PTPRC: variants seen among roughly 807,000 people sequenced by gnomAD.
PTPRC encodes the protein receptor-type tyrosine-protein phosphatase C.
A neutral mutation model predicts 155.9 loss-of-function variants in PTPRC; 44 were observed. That is an observed-to-expected ratio of 0.28 (90% CI 0.22 to 0.36). The LOEUF is 0.36. PTPRC is among the 10% of genes least tolerant of loss of function. PTPRC has a pLI of 1.00. For synonymous variants in PTPRC, 525 were observed against 533.1 expected (o/e 0.98, Z 0.21); for missense variants, 1,401 against 1,564.6 (o/e 0.90, Z 1.76).
chr1:198,647,213 A>G (rs543632435), intron 2 of PTPRC, among the ~76,000 whole-genome samples: 48 of 151,872 alleles, frequency 3.2e-4, no homozygotes, highest in Non-Finnish European at 5.9e-4. Flanking sequence ...TCACACCTGC[A>G]TAGGTATTCT....
At chr1:198,707,960 AG>A (rs1159295777) in intron 9 of PTPRC, among the ~76,000 whole-genome samples, 172 bp from the exon 10 acceptor site, 10 of 152,226 alleles carry the variant, frequency 6.6e-5, no homozygotes, top group Non-Finnish European at 1.0e-4. Flanking sequence ...AAATAATAAA[AG>A]AAACAAATCC....
Position 198,664,685 on chromosome 1 carries a change from C to T in PTPRC, c.73+25344C>T, listed in dbSNP as rs540944219. The stretch of plus-strand genomic sequence containing the variant: ...CCTCTTCATCTCAGATGTCTACTTC[C>T]TCTTCAGACCTGTGTGTGAAGCTCT... On this transcript the variant is annotated intron_variant, in intron 2 of 32. Coordinates refer to ENST00000442510, the MANE Select transcript of PTPRC (RefSeq NM_002838.5). 7.8e-4 allele frequency among the ~76,000 whole-genome samples: 118 copies of T among 152,254 alleles called. 1 individual carries two copies. Among genetic ancestry groups the T allele is most frequent in the South Asian group, 4.8e-3 (23 of 4,830 alleles).
chr1:198,703,730 C>G, intron 7 of PTPRC: 1 of 301,740 alleles, frequency 3.3e-6, no homozygotes, highest in Non-Finnish European at 6.3e-6. Flanking sequence ...GCAGAGTTCC[C>G]GTTAAGCAGT....
At chr1:198,664,598 A>G (rs777397294) in intron 2 of PTPRC, among the ~76,000 whole-genome samples, 3 of 152,148 alleles carry the variant, frequency 2.0e-5, no homozygotes, top group Non-Finnish European at 4.4e-5. Context: ...CTTTAATACT[A>G]TATAGTGAAT....
chr1:198,672,826 A>G (rs888393844), intron 2 of PTPRC, among the ~76,000 whole-genome samples: 15 of 152,150 alleles, frequency 9.9e-5, no homozygotes, highest in Admixed American at 2.0e-4. Context: ...CTGCTAATAC[A>G]TAACCTCATC....
In PTPRC at chr1:198,752,785, T is replaced by G. The variant is rs1655447601; in HGVS notation, c.3509+13T>G. On this transcript the variant is annotated intron_variant, in intron 31 of 32. Transcript: ENST00000442510. ...TCATTCACTGCAGGTGCGTGGGATTTGGTAGAATGTGCTCTCAAAATCATA... is the reference window on the plus strand; with the variant it reads ...TCATTCACTGCAGGTGCGTGGGATTGGGTAGAATGTGCTCTCAAAATCATA... 1.2e-6 allele frequency: 2 copies of G among 1,610,126 alleles called. No homozygotes were observed. The highest frequency in any genetic ancestry group is 1.1e-5 in the South Asian group (1 of 90,980).
At chr1:198,732,900 G>T (rs1003250212) in intron 20 of PTPRC, among the ~76,000 whole-genome samples, 1 of 151,776 alleles carries the variant, frequency 6.6e-6, no homozygotes, top group Non-Finnish European at 1.5e-5. Flanking sequence ...GGTGAGGACT[G>T]GGAGGCTCAG....
chr1:198,656,317 G>A (rs1457990057), intron 2 of PTPRC, among the ~76,000 whole-genome samples: 2 of 152,058 alleles, frequency 1.3e-5, no homozygotes, highest in Non-Finnish European at 2.9e-5. Flanking sequence ...ACTGTGTAAG[G>A]CAGTCATTTC....
rs1363534312 is a variant in PTPRC at position 198,752,730 on chromosome 1, G to A, written c.3467G>A (p.Gly1156Glu). The A allele has an allele frequency of 2.5e-6, 4 of 1,612,740 alleles. No individual in the cohort carries two copies. The highest frequency in any genetic ancestry group is 2.5e-6 in the Non-Finnish European group (3 of 1,179,324). The part of the protein sequence containing the change: ...QKLPQKNSSE[G>E]NKHHKSTPLL... ...CTTCCCCAGAAGAATTCCTCTGAAG[G>A]GAACAAGCATCACAAGAGTACACCT... is the stretch of plus-strand genomic sequence containing the variant. Residue 1156 changes from glycine to glutamate, a missense_variant, in exon 31 of 33, where the codon GGG (glycine) becomes GAG (glutamate). Physicochemically the swap from Gly to Glu is moderately conservative, Grantham distance 98. Coordinates refer to ENST00000442510, the MANE Select transcript of PTPRC (RefSeq NM_002838.5).
intron 14 of PTPRC, among the ~76,000 whole-genome samples, chr1:198,720,519 G>A (rs1185935406): frequency 6.6e-5 from 10 of 151,680 alleles, no homozygotes; most frequent in Admixed American, 3.9e-4. Flanking sequence ...TAGTAGAGAC[G>A]GGGGTTCACC....
At chr1:198,715,719 G>A (rs1333317858) in intron 12 of PTPRC, among the ~76,000 whole-genome samples, 1 of 151,894 alleles carries the variant, frequency 6.6e-6, no homozygotes, top group Non-Finnish European at 1.5e-5. Flanking sequence ...ATGATAGTGA[G>A]TACCAACTAA....
intron 32 of PTPRC, 38 bp downstream of exon 32, chr1:198,754,442 A>T (rs753324128): frequency 7.7e-6 from 12 of 1,563,632 alleles, no homozygotes; most frequent in South Asian, 1.1e-5. Flanking sequence ...CATGCTCGGA[A>T]TTTTTTTTTT....
intron 29 of PTPRC, among the ~76,000 whole-genome samples, chr1:198,750,880 G>C (rs987385224): frequency 3.9e-5 from 6 of 151,950 alleles, no homozygotes; most frequent in Non-Finnish European, 1.5e-5. Context: ...AGCAATGTCA[G>C]CGTCACAGCA....
chr1:198,679,408 T>A (rs2102323528), intron 2 of PTPRC, among the ~76,000 whole-genome samples: 1 of 149,554 alleles, frequency 6.7e-6, no homozygotes, highest in Admixed American at 6.6e-5. Context: ...TTTTTTTTTT[T>A]TTTTTTTTGT....
In PTPRC at chr1:198,695,163, T is replaced by G. The variant is rs142106479; in HGVS notation, c.101-1549T>G. 4,883 of 889,132 alleles carry G rather than the reference T, an allele frequency of 5.5e-3. 22 individuals carry two copies. The highest frequency in any genetic ancestry group is 6.0e-3 in the Non-Finnish European group (4,457 of 742,548). 55.1% of individuals were successfully genotyped at this position (889,132 alleles called of 1,614,324 possible). ...TGATACTAATGAATAAAGCTGGGTT[T>G]TTTATTTATCATACTATTTCCATTT... On this transcript the variant is annotated intron_variant, in intron 3 of 32. Coordinates refer to ENST00000442510, the MANE Select transcript of PTPRC (RefSeq NM_002838.5).
chr1:198,665,743 G>A (rs954847380), intron 2 of PTPRC, among the ~76,000 whole-genome samples: 3 of 152,272 alleles, frequency 2.0e-5, no homozygotes, highest in East Asian at 1.9e-4. Context: ...TATGTTCAAT[G>A]TAGTACATGG....
intron 15 of PTPRC, among the ~76,000 whole-genome samples, chr1:198,724,711 G>A (rs114686890): frequency 6.8e-6 from 1 of 147,268 alleles, no homozygotes; most frequent in African/African-American, 2.5e-5. Context: ...TCTTTTTTTG[G>A]TCTGTTCCCA....
intron 15 of PTPRC, among the ~76,000 whole-genome samples, chr1:198,727,107 C>T (rs911321100): frequency 3.9e-5 from 6 of 152,072 alleles, no homozygotes; most frequent in Admixed American, 6.6e-5. Flanking sequence ...GTGATCCACA[C>T]GCCTCGGCCT....
At position 198,737,461 on chromosome 1, in the gene PTPRC, A is replaced by G. The variant is rs115669365; in HGVS notation, c.2403+2209A>G. Reference sequence around the variant, plus strand: ...TATTGTGGAGACTGTCCTTTCCCCAATGCATATTCTGGGTACCTGTATCAA... The same window carrying G: ...TATTGTGGAGACTGTCCTTTCCCCAGTGCATATTCTGGGTACCTGTATCAA... On this transcript the variant is annotated intron_variant, in intron 23 of 32. Coordinates refer to ENST00000442510, the MANE Select transcript of PTPRC (RefSeq NM_002838.5). Among the ~76,000 whole-genome samples, 629 of 151,570 alleles carry G rather than the reference A, an allele frequency of 4.1e-3. 2 individuals carry two copies. The highest frequency in any genetic ancestry group is 0.012 in the African/African-American group (485 of 41,446).
Sources: gnomAD v4.1 joint callset for allele counts (sites outside exome capture counted in the v4.1 genomes callset) on GRCh38, gnomAD v4.1.1 for gene constraint, MANE v1.5 for transcripts, NCBI Gene and HGNC (gene_info 2026-07-23, HGNC 2026-07-21) for gene names.